The following ZNF423 variants were observed in gnomAD, a reference collection of about 807,000 sequenced individuals.
The protein encoded by ZNF423 is zinc finger protein 423.
In ZNF423, 12 loss-of-function variants were observed where a neutral mutation model predicts 95.8. The observed-to-expected ratio is 0.13, with a 90% CI of 0.08 to 0.20. ZNF423 has a LOEUF of 0.20. ZNF423 is among the 10% of genes least tolerant of loss of function. The pLI, the probability that ZNF423 is intolerant of heterozygous loss-of-function variation, is 1.00. For synonymous variants in ZNF423, 749 were observed against 711.9 expected (o/e 1.05, Z -0.83); for missense variants, 1,316 against 1,737.1 (o/e 0.76, Z 4.31).
chr16:49,549,976 G>A (rs745683380), intron 5 of ZNF423, among the ~76,000 whole-genome samples: 93 of 151,938 alleles, frequency 6.1e-4, no homozygotes, highest in Middle Eastern at 3.4e-3. Context: ...AGACTCAAGC[G>A]ATCCTCCCAC....
intron 2 of ZNF423, among the ~76,000 whole-genome samples, chr16:49,769,976 C>A (rs2034003360): frequency 6.6e-6 from 1 of 152,208 alleles, no homozygotes; most frequent in Non-Finnish European, 1.5e-5. Flanking sequence ...CTCCTCCTCA[C>A]CTCCCACCAC....
intron 1 of ZNF423, among the ~76,000 whole-genome samples, chr16:49,806,216 G>C (rs2034661053): frequency 1.3e-5 from 2 of 152,242 alleles, no homozygotes; most frequent in Admixed American, 1.3e-4. Flanking sequence ...TGGAGCGGGG[G>C]GCACCCCAGC....
chr16:49,514,211 CAT>C (rs1491219377), intron 7 of ZNF423, among the ~76,000 whole-genome samples: 7,628 of 62,826 alleles, frequency 0.12, 298 homozygotes, highest in African/African-American at 0.27. Context: ...CACACACACA[CAT>C]GCACACGCAC....
chr16:49,735,491 GGA>G (rs1474291412), intron 2 of ZNF423, among the ~76,000 whole-genome samples: 5 of 152,082 alleles, frequency 3.3e-5, no homozygotes, highest in African/African-American at 1.2e-4. Context: ...CCTTCTGCAG[GGA>G]GACCTTGACT....
intron 2 of ZNF423, among the ~76,000 whole-genome samples, chr16:49,770,037 C>T (rs570158900): frequency 2.0e-5 from 3 of 152,270 alleles, no homozygotes; most frequent in African/African-American, 7.2e-5. Context: ...GCATGTGGTG[C>T]ATTTTTATTC....
At chr16:49,553,179 GATA>G (rs1374501088) in intron 5 of ZNF423, among the ~76,000 whole-genome samples, 5 of 152,108 alleles carry the variant, frequency 3.3e-5, no homozygotes. Context: ...CTGGAAAAAT[GATA>G]ATAATAAGTC....
chr16:49,674,161 T>A (rs1020769575), intron 3 of ZNF423, among the ~76,000 whole-genome samples: 2 of 152,214 alleles, frequency 1.3e-5, no homozygotes, highest in African/African-American at 4.8e-5. Context: ...GGTACTTTTT[T>A]AAACCTATAT....
chr16:49,705,605 T>C (rs1344704627), intron 3 of ZNF423, among the ~76,000 whole-genome samples: 2 of 152,160 alleles, frequency 1.3e-5, no homozygotes, highest in Non-Finnish European at 2.9e-5. Context: ...TAGAGTGCAG[T>C]GGTGCGATCT....
intron 7 of ZNF423, among the ~76,000 whole-genome samples, chr16:49,511,451 C>T (rs552120353): frequency 6.6e-6 from 1 of 152,218 alleles, no homozygotes; most frequent in Non-Finnish European, 1.5e-5. Flanking sequence ...CATTTCTCCA[C>T]GCTGGCAGCT....
chr16:49,589,209 G>T (rs1970932697), intron 5 of ZNF423, among the ~76,000 whole-genome samples: 1 of 152,184 alleles, frequency 6.6e-6, no homozygotes, highest in African/African-American at 2.4e-5. Context: ...GGAAAACCCA[G>T]CTCTCTAGGA....
At chr16:49,763,302 A>G (rs1420131205) in intron 2 of ZNF423, among the ~76,000 whole-genome samples, 2 of 151,736 alleles carry the variant, frequency 1.3e-5, no homozygotes, top group African/African-American at 2.4e-5. Context: ...TTTTTGAGAC[A>G]GGGTCTCACT....
At chr16:49,748,714 AGGGATGGGAGGAT>A (rs1258191786) in intron 2 of ZNF423, among the ~76,000 whole-genome samples, 1 of 152,212 alleles carries the variant, frequency 6.6e-6, no homozygotes, top group African/African-American at 2.4e-5. Flanking sequence ...TTTTCCGTGC[AGGGATGGGAGGAT>A]GGGAAAGTAT....
At chr16:49,518,844 C>T (rs1247113856) in intron 7 of ZNF423, among the ~76,000 whole-genome samples, 1 of 152,200 alleles carries the variant, frequency 6.6e-6, no homozygotes, top group East Asian at 1.9e-4. Flanking sequence ...TGCTTGAGCC[C>T]AGGAGTTTGA....
intron 2 of ZNF423, among the ~76,000 whole-genome samples, chr16:49,761,626 G>A (rs529825420): frequency 2.6e-5 from 4 of 152,304 alleles, no homozygotes; most frequent in South Asian, 2.1e-4. Flanking sequence ...ACATGCGTGC[G>A]TATGGGAGCC....
At chr16:49,646,775 T>A (rs1337916896) in intron 3 of ZNF423, among the ~76,000 whole-genome samples, 1 of 152,004 alleles carries the variant, frequency 6.6e-6, no homozygotes, top group Non-Finnish European at 1.5e-5. Flanking sequence ...GGTTTCACCA[T>A]CTTAGTCAGG....
chr16:49,721,601 C>A (rs1033807302), intron 3 of ZNF423, among the ~76,000 whole-genome samples: 2 of 152,152 alleles, frequency 1.3e-5, no homozygotes, highest in African/African-American at 2.4e-5. Flanking sequence ...AATCAACCCC[C>A]AGGCTCATCC....
intron 3 of ZNF423, among the ~76,000 whole-genome samples, chr16:49,678,311 T>C (rs1340695708): frequency 3.2e-5 from 3 of 94,224 alleles, no homozygotes; most frequent in African/African-American, 8.3e-5. Context: ...TTTGTTTTGT[T>C]TTGTTTTGTT....
Position 49,638,534 on chromosome 16 carries a change from G to A in ZNF423, c.642C>T (p.Ser214=), listed in dbSNP as rs576666121. 70 of 1,613,754 alleles carry A rather than the reference G, an allele frequency of 4.3e-5. No individual in the cohort carries two copies. The highest frequency in any genetic ancestry group is 1.6e-4 in the Middle Eastern group (1 of 6,062). Residue 214 remains serine, a synonymous_variant, in exon 4 of 8, where the codon AGC becomes AGT. Coordinates refer to ENST00000563137, the MANE Select transcript of ZNF423 (RefSeq NM_001379286.1). The surrounding 1 kb of genome is among the most constrained non-coding windows in gnomAD (Gnocchi z 5.6). ...TCTTCAGGTGGATCTTGAGGTGGTC[G>A]CTGCGGGAGAAGGCTGCCTCGCACT... is the stretch of plus-strand genomic sequence containing the variant. ...CHECEAAFSR[S]DHLKIHLKTH...
chr16:49,674,916 T>G (rs548316744), intron 3 of ZNF423, among the ~76,000 whole-genome samples: 2 of 152,232 alleles, frequency 1.3e-5, no homozygotes, highest in Admixed American at 1.3e-4. Flanking sequence ...CATCTTGCCC[T>G]TGGTGAGAGA....
Sources: gnomAD v4.1 joint callset for allele counts (sites outside exome capture counted in the v4.1 genomes callset) on GRCh38, gnomAD v4.1.1 for gene constraint, Gnocchi (gnomAD v3.1) non-coding constraint, MANE v1.5 for transcripts, NCBI Gene and HGNC (gene_info 2026-07-23, HGNC 2026-07-21) for gene names.